Variants in MTSS1 observed in about 807,000 individuals in gnomAD.
MTSS1 encodes MTSS I-BAR domain containing 1, also known as protein MTSS 1.
MTSS1 carries 18 observed loss-of-function variants against 79.0 expected under a neutral mutation model. The ratio of observed to expected loss-of-function variants is 0.23; its 90% CI spans 0.16 to 0.34. The LOEUF (loss-of-function observed/expected upper bound fraction) is 0.34, where lower values mean the gene tolerates loss of function less well. Ranked by LOEUF, MTSS1 falls within the 10% of genes least tolerant of loss-of-function variation. The pLI is 1.00. For synonymous variants in MTSS1, 341 were observed against 368.6 expected, an observed-to-expected ratio of 0.93 and a Z score of 0.86; for missense variants, 815 against 986.2, an observed-to-expected ratio of 0.83 and a Z score of 2.33.
At position 124,553,149 on chromosome 8, in the gene MTSS1, C is replaced by T. The variant is rs770268664; in HGVS notation, c.2111G>A (p.Ser704Asn). 1 of 1,614,154 alleles carries T rather than the reference C, an allele frequency of 6.2e-7. No individual in the cohort carries two copies. The highest frequency in any genetic ancestry group is 8.5e-7 in the Non-Finnish European group (1 of 1,180,038). The change falls in exon 14 of 14, where the codon AGT (serine) becomes AAT (asparagine). Residue 704 changes from serine to asparagine, a missense_variant. Transcript: ENST00000518547. This position sits in a 1 kb window ranked among gnomAD's most constrained non-coding sequence, Gnocchi z 6.0. ...EAEDQEREPP[S>N]ATVSPGQIPE... is the part of the protein sequence containing the mutation. ...AATCTGGCCTGGGGAGACAGTGGCA[C>T]TTGGGGGTTCCCGTTCCTGGTCTTC...
intron 3 of MTSS1, among the ~76,000 whole-genome samples, chr8:124,630,626 G>GT (rs1416906337): frequency 3.3e-5 from 5 of 152,120 alleles, no homozygotes; most frequent in Non-Finnish European, 5.9e-5. Context: ...AAACATCCGG[G>GT]TACCAGCCCC....
intron 6 of MTSS1, among the ~76,000 whole-genome samples, chr8:124,576,919 C>T (rs1462310850): frequency 3.9e-5 from 6 of 152,130 alleles, no homozygotes; most frequent in East Asian, 3.8e-4. Flanking sequence ...ACTCAGCTCC[C>T]GGCGTGCCTC....
intron 2 of MTSS1, among the ~76,000 whole-genome samples, chr8:124,699,894 C>T (rs1163618162): frequency 6.6e-6 from 1 of 152,178 alleles, no homozygotes; most frequent in African/African-American, 2.4e-5. Flanking sequence ...CGCCTGTATT[C>T]CTGGCACTTT....
At chr8:124,709,290 G>T (rs1040075979) in intron 1 of MTSS1, among the ~76,000 whole-genome samples, 3 of 152,062 alleles carry the variant, frequency 2.0e-5, no homozygotes, top group Admixed American at 6.6e-5. Flanking sequence ...CACCCACCAA[G>T]AAGTCCCCAG....
chr8:124,580,282 C>T, intron 6 of MTSS1: 1 of 403,778 alleles, frequency 2.5e-6, no homozygotes, highest in Non-Finnish European at 4.5e-6. Context: ...TTCTTTTTTC[C>T]ATGAGTCTAA....
Position 124,727,919 on chromosome 8 carries a change from C to T in MTSS1, c.37G>A (p.Gly13Arg). Residue 13 changes from glycine to arginine, a missense_variant, in exon 1 of 14, where the codon GGA (glycine) becomes AGA (arginine). Gly to Arg is a moderately radical substitution (Grantham distance 125, BLOSUM62 -2). Around this residue, in one of 2 missense-constraint regions of MTSS1, gnomAD observed 225 missense variants for 365.4 expected, o/e 0.62. Coordinates refer to ENST00000518547, the MANE Select transcript of MTSS1 (RefSeq NM_014751.6). The surrounding 1 kb of genome is among the most constrained non-coding windows in gnomAD (Gnocchi z 4.7). ...AVIEKECSAL[G>R]GLFQTIISDM... ...CTGATGATGGTCTGGAAGAGGCCTC[C>T]GAGCGCGCTGCATTCCTTCTCAATC... 2 of 1,610,450 alleles carry T rather than the reference C, an allele frequency of 1.2e-6. No individual in the cohort carries two copies. The highest frequency in any genetic ancestry group is 1.7e-6 in the Non-Finnish European group (2 of 1,178,700).
At chr8:124,596,384 A>C (rs1263247568) in intron 3 of MTSS1, among the ~76,000 whole-genome samples, 1 of 152,238 alleles carries the variant, frequency 6.6e-6, no homozygotes, top group East Asian at 1.9e-4. Flanking sequence ...TCAACGTGGT[A>C]CATGTAAAAA....
At chr8:124,665,104 T>C (rs1359451420) in intron 3 of MTSS1, among the ~76,000 whole-genome samples, 2 of 152,186 alleles carry the variant, frequency 1.3e-5, no homozygotes, top group Non-Finnish European at 2.9e-5. Context: ...GGTAAGTAAC[T>C]TGCTGTAATA....
At chr8:124,682,244 AG>A (rs56109910) in intron 3 of MTSS1, among the ~76,000 whole-genome samples, 152,321 of 152,322 alleles carry the variant, frequency 1, 76,160 homozygotes, top group Non-Finnish European at 1. Flanking sequence ...AAGTCAGAGC[AG>A]GGGTGGGGAC....
intron 3 of MTSS1, among the ~76,000 whole-genome samples, chr8:124,626,776 C>T (rs1193504927): frequency 6.6e-6 from 1 of 152,058 alleles, no homozygotes; most frequent in Non-Finnish European, 1.5e-5. Flanking sequence ...CTCTGGGTTC[C>T]AGGTTTCTTC....
chr8:124,679,784 G>A (rs182273135), intron 3 of MTSS1, among the ~76,000 whole-genome samples: 16 of 152,282 alleles, frequency 1.1e-4, no homozygotes, highest in Admixed American at 5.9e-4. Context: ...TCAAAATTTC[G>A]CATGCATTTG....
At chr8:124,671,262 C>G (rs900772686) in intron 3 of MTSS1, among the ~76,000 whole-genome samples, 2 of 152,104 alleles carry the variant, frequency 1.3e-5, no homozygotes, top group East Asian at 3.9e-4. Context: ...GACCTCATGA[C>G]CCGCACCAAC....
chr8:124,645,790 T>A (rs1818898847), intron 3 of MTSS1, among the ~76,000 whole-genome samples: 1 of 152,216 alleles, frequency 6.6e-6, no homozygotes, highest in African/African-American at 2.4e-5. Flanking sequence ...AAGCTGTTAA[T>A]GAAAGTATTT....
At chr8:124,570,461 A>G (rs1827511462) in intron 6 of MTSS1, among the ~76,000 whole-genome samples, 1 of 152,240 alleles carries the variant, frequency 6.6e-6, no homozygotes, top group African/African-American at 2.4e-5. Context: ...CTACATTCGC[A>G]TGACTTTTAT....
chr8:124,725,756 T>G (rs566883991), intron 1 of MTSS1, among the ~76,000 whole-genome samples: 3 of 152,362 alleles, frequency 2.0e-5, no homozygotes, highest in African/African-American at 7.2e-5. Context: ...ATTTTTAATT[T>G]CCATTTAAAA....
chr8:124,562,965 G>A lies in MTSS1; in HGVS notation c.852C>T (p.Asp284=), dbSNP rs1247982935. 6 of 1,611,132 alleles carry A rather than the reference G, an allele frequency of 3.7e-6. 1 individual carries two copies. In the South Asian group the frequency reaches 5.5e-5, roughly 15 times the overall value. ...GCGAGTGGGAGCCGCTGGACCGGGA[G>A]TCACTGCTGTTGACACTGTTCAGGC... is the stretch of plus-strand genomic sequence containing the variant. ...CSSLNSVNSS[D]SRSSGSHSHS... The change falls in exon 10 of 14, where the codon GAC becomes GAT. Residue 284 remains aspartate (D), a synonymous_variant. Transcript: ENST00000518547.
Position 124,555,760 on chromosome 8 carries a change from C to T in MTSS1, c.1549G>A (p.Asp517Asn), listed in dbSNP as rs2131743999. ...TQTTTPCCSEDTIPSQVSDYD... is the reference protein window; with the variant it reads ...TQTTTPCCSENTIPSQVSDYD... ...CTCGTACCTTGGGAAGGGATGGTGTCCTCAGAGCAGCAGGGGGTGGTTGTC... is the reference window on the plus strand; with the variant it reads ...CTCGTACCTTGGGAAGGGATGGTGTTCTCAGAGCAGCAGGGGGTGGTTGTC... Residue 517 changes from aspartate to asparagine, a missense_variant, in exon 13 of 14, where the codon GAC becomes AAC. Asp to Asn is a conservative substitution (Grantham distance 23, BLOSUM62 1). Around this residue, in one of 2 missense-constraint regions of MTSS1, gnomAD observed 590 missense variants for 620.8 expected, o/e 0.95. Coordinates refer to ENST00000518547, the MANE Select transcript of MTSS1 (RefSeq NM_014751.6). 1 of 1,611,834 alleles carries T rather than the reference C, an allele frequency of 6.2e-7. No homozygotes were observed. Among genetic ancestry groups the T allele is most frequent in the East Asian group, 2.2e-5 (1 of 44,850 alleles).
intron 3 of MTSS1, among the ~76,000 whole-genome samples, chr8:124,637,655 C>A (rs1181193755): frequency 6.6e-6 from 1 of 152,326 alleles, no homozygotes; most frequent in South Asian, 2.1e-4. Flanking sequence ...TCACCTCCTC[C>A]GTTCACACCC....
In MTSS1 at chr8:124,552,812, A is replaced by T; in HGVS notation, c.*180T>A. 1 of 552,310 alleles carries T rather than the reference A, an allele frequency of 1.8e-6. No homozygotes were observed. Among genetic ancestry groups the T allele is most frequent in the Non-Finnish European group, 3.1e-6 (1 of 318,548 alleles). The allele number at this position is 552,310 out of a possible 1,614,324, so 34.2% of individuals were successfully genotyped here. ...AATATTTACAAATTAAAAGATCAAGATTATGTCAGTTACATAGGTTGGTTT... is the reference window on the plus strand; with the variant it reads ...AATATTTACAAATTAAAAGATCAAGTTTATGTCAGTTACATAGGTTGGTTT... On this transcript the variant is annotated 3_prime_UTR_variant, in exon 14 of 14. Transcript: ENST00000518547.
Sources: allele counts gnomAD v4.1 joint callset (sites outside exome capture counted in the v4.1 genomes callset), GRCh38; gene constraint gnomAD v4.1.1; regional missense constraint gnomAD v4.1.1; non-coding constraint Gnocchi (gnomAD v3.1); transcripts MANE v1.5; gene names NCBI Gene and HGNC (gene_info 2026-07-23, HGNC 2026-07-21).